Variants in MYO5B observed in about 807,000 individuals in gnomAD.
MYO5B encodes the protein myosin VB.
In MYO5B, 143 loss-of-function variants were observed where a neutral mutation model predicts 229.3. The ratio of observed to expected loss-of-function variants is 0.62; its 90% CI spans 0.54 to 0.72. The LOEUF (loss-of-function observed/expected upper bound fraction) is 0.72, where lower values mean the gene tolerates loss of function less well. Among genes scored for constraint, MYO5B ranks in the 30% least tolerant of loss-of-function variants. The pLI is 0.00. For synonymous variants in MYO5B, 918 were observed against 885.2 expected (o/e 1.04, Z -0.66); for missense variants, 2,321 against 2,331.0 (o/e 1.00, Z 0.09).
At chr18:49,884,091 TACAATGCCAAAAGCACAAGCCAC>T (rs2024618211) in intron 22 of MYO5B, among the ~76,000 whole-genome samples, 1 of 151,632 alleles carries the variant, frequency 6.6e-6, no homozygotes, top group Non-Finnish European at 1.5e-5. Flanking sequence ...AGCCACCAAA[TACAATGCCAAAAGCACAAGCCAC>T]CAAGTTAAAA....
chr18:49,856,095 C>T (rs2024259312), intron 30 of MYO5B, among the ~76,000 whole-genome samples: 1 of 152,256 alleles, frequency 6.6e-6, no homozygotes, highest in Non-Finnish European at 1.5e-5. Context: ...TGCATGCCTA[C>T]CCTGTCTGGC....
intron 7 of MYO5B, among the ~76,000 whole-genome samples, chr18:49,987,432 A>G (rs549467571): frequency 1.3e-5 from 2 of 152,210 alleles, no homozygotes; most frequent in Admixed American, 6.5e-5. Context: ...CAGGCCCATA[A>G]AGCTGAACAC....
chr18:49,908,154 A>G (rs2024920713), intron 18 of MYO5B, among the ~76,000 whole-genome samples: 1 of 152,190 alleles, frequency 6.6e-6, no homozygotes, highest in Non-Finnish European at 1.5e-5. Context: ...TATTTCGGAA[A>G]AAAAACAGGA....
chr18:50,006,168 G>T (rs896485469), intron 4 of MYO5B, among the ~76,000 whole-genome samples: 2 of 152,190 alleles, frequency 1.3e-5, no homozygotes, highest in Non-Finnish European at 2.9e-5. Flanking sequence ...CTAACAGGAA[G>T]TAGGGGTAGG....
At chr18:50,128,077 T>C (rs997718598) in intron 1 of MYO5B, among the ~76,000 whole-genome samples, 4 of 152,232 alleles carry the variant, frequency 2.6e-5, no homozygotes, top group African/African-American at 4.8e-5. Flanking sequence ...GTTTCCAGCT[T>C]GCTGAATGCA....
intron 1 of MYO5B, among the ~76,000 whole-genome samples, chr18:50,077,338 A>T (rs2031107363): frequency 6.6e-6 from 1 of 152,118 alleles, no homozygotes; most frequent in South Asian, 2.1e-4. Context: ...GGAACCAGAG[A>T]CGCTTGCTAC....
At chr18:49,842,736 T>A (rs2024074441) in intron 34 of MYO5B, among the ~76,000 whole-genome samples, 1 of 152,150 alleles carries the variant, frequency 6.6e-6, no homozygotes, top group Non-Finnish European at 1.5e-5. Context: ...TTTAACACCA[T>A]GCGGCAAGCC....
At chr18:50,099,452 G>A (rs1468455794) in intron 1 of MYO5B, among the ~76,000 whole-genome samples, 1 of 152,166 alleles carries the variant, frequency 6.6e-6, no homozygotes, top group Non-Finnish European at 1.5e-5. Context: ...GGGAACAGGA[G>A]GAACAGAAGT....
intron 18 of MYO5B, among the ~76,000 whole-genome samples, chr18:49,910,109 G>A (rs2024941070): frequency 1.3e-5 from 2 of 152,320 alleles, no homozygotes; most frequent in Admixed American, 1.3e-4. Flanking sequence ...GCACTGAGAA[G>A]CAGGCAGGCT....
chr18:49,864,455 C>T, intron 27 of MYO5B, 75 bp from the exon 28 acceptor site: 4 of 1,579,748 alleles, frequency 2.5e-6, no homozygotes, highest in East Asian at 2.3e-5. Context: ...CTCCCCTCCT[C>T]CCCTTCTTTT....
intron 17 of MYO5B, among the ~76,000 whole-genome samples, chr18:49,929,217 G>A (rs1399014766): frequency 6.6e-6 from 1 of 152,166 alleles, no homozygotes; most frequent in Non-Finnish European, 1.5e-5. Flanking sequence ...TTGAGAGAAG[G>A]GGAAATCCTC....
At chr18:50,013,518 G>GGCCAAAAAC (rs2026184233) in intron 4 of MYO5B, among the ~76,000 whole-genome samples, 1 of 152,336 alleles carries the variant, frequency 6.6e-6, no homozygotes, top group South Asian at 2.1e-4. Context: ...GCCCTCTTGA[G>GGCCAAAAAC]AGAATTACAG....
chr18:50,011,013 T>C (rs1468231675), intron 4 of MYO5B, among the ~76,000 whole-genome samples: 4 of 152,182 alleles, frequency 2.6e-5, no homozygotes, highest in Admixed American at 1.3e-4. Context: ...CTTCCTTTGA[T>C]AGATACTGCT....
At chr18:49,831,136 A>T (rs2023915148) in intron 39 of MYO5B, among the ~76,000 whole-genome samples, 1 of 152,176 alleles carries the variant, frequency 6.6e-6, no homozygotes, top group Non-Finnish European at 1.5e-5. Flanking sequence ...TACCATATAC[A>T]AAAATTAACT....
intron 1 of MYO5B, among the ~76,000 whole-genome samples, chr18:50,188,251 A>G (rs1050651059): frequency 3.3e-5 from 5 of 152,072 alleles, no homozygotes; most frequent in Non-Finnish European, 5.9e-5. Flanking sequence ...CAGCCTCCTC[A>G]TGCATTTCAA....
chr18:50,116,604 G>C (rs1380916666), intron 1 of MYO5B, among the ~76,000 whole-genome samples: 1 of 152,084 alleles, frequency 6.6e-6, no homozygotes, highest in African/African-American at 2.4e-5. Flanking sequence ...ATGGGACACA[G>C]AAGGTGAATA....
chr18:50,011,667 A>C (rs2026162136), intron 4 of MYO5B, among the ~76,000 whole-genome samples: 1 of 151,664 alleles, frequency 6.6e-6, no homozygotes, highest in African/African-American at 2.4e-5. Context: ...TATTGCTTTG[A>C]ATTTTTTTCT....
chr18:49,930,625 C>A (rs1023998879), intron 16 of MYO5B, among the ~76,000 whole-genome samples: 1 of 152,048 alleles, frequency 6.6e-6, no homozygotes, highest in Non-Finnish European at 1.5e-5. Flanking sequence ...GGATGCGGTG[C>A]CTCATGCCTG....
At chr18:49,927,654 C>T (rs2025144327) in intron 17 of MYO5B, among the ~76,000 whole-genome samples, 2 of 152,166 alleles carry the variant, frequency 1.3e-5, no homozygotes, top group South Asian at 4.1e-4. Flanking sequence ...AAAGGACACT[C>T]TATTCGATAA....
Sources: allele counts gnomAD v4.1 joint callset (sites outside exome capture counted in the v4.1 genomes callset), GRCh38; gene constraint gnomAD v4.1.1; transcripts MANE v1.5; gene names NCBI Gene and HGNC (gene_info 2026-07-23, HGNC 2026-07-21).